The following PHKA1 variants were observed in gnomAD, a reference collection of about 807,000 sequenced individuals.
PHKA1 encodes phosphorylase kinase regulatory subunit alpha 1, also known as phosphorylase b kinase regulatory subunit alpha, skeletal muscle isoform.
In PHKA1, 60 loss-of-function variants were observed where a neutral mutation model predicts 110.2. That is an observed-to-expected ratio of 0.54 (90% CI 0.44 to 0.68). The LOEUF (loss-of-function observed/expected upper bound fraction) is 0.68. Ranked by LOEUF, PHKA1 falls within the 30% of genes least tolerant of loss-of-function variation. The pLI is 0.00. For synonymous variants in PHKA1, 316 were observed against 333.6 expected (o/e 0.95, Z 0.58); for missense variants, 801 against 942.5 (o/e 0.85, Z 1.97).
intron 8 of PHKA1, among the ~76,000 whole-genome samples, chrX:72,663,747 A>C (rs1299175839): frequency 2.7e-5 from 3 of 109,814 alleles, no homozygotes; most frequent in Non-Finnish European, 5.7e-5. Context: ...AAAAAAAAAA[A>C]AAAAAACCTG....
At chrX:72,713,193 T>C (rs782681607) in intron 1 of PHKA1, among the ~76,000 whole-genome samples, 1 of 112,267 alleles carries the variant, frequency 8.9e-6, no homozygotes, top group East Asian at 2.8e-4. Context: ...TATGTATTCA[T>C]TGGAAAATTA....
chrX:72,681,323 GC>G (rs1197344353), intron 5 of PHKA1, among the ~76,000 whole-genome samples: 1 of 110,426 alleles, frequency 9.1e-6, no homozygotes, highest in Non-Finnish European at 1.9e-5. Context: ...GAGCCCCTCC[GC>G]CCGGCAGCTG....
intron 6 of PHKA1, among the ~76,000 whole-genome samples, chrX:72,672,086 T>C (rs1338826004): frequency 8.9e-6 from 1 of 112,181 alleles, no homozygotes; most frequent in African/African-American, 3.2e-5. Flanking sequence ...TTGCATTCTG[T>C]GGGCCTGCAG....
chrX:72,599,886 A>C (rs1556240112), intron 28 of PHKA1: 2 of 529,794 alleles, frequency 3.8e-6, no homozygotes, highest in Non-Finnish European at 6.9e-6. Context: ...CAAATTGAGA[A>C]AATAAAATTT....
At chrX:72,696,775 C>T (rs1413042545) in intron 3 of PHKA1, among the ~76,000 whole-genome samples, 5 of 111,412 alleles carry the variant, frequency 4.5e-5, no homozygotes, top group Non-Finnish European at 7.5e-5. Flanking sequence ...TTAACTGAGA[C>T]CTGTCTCAGA....
chrX:72,603,498 T>C (rs1556246661), intron 25 of PHKA1, among the ~76,000 whole-genome samples: 1 of 111,588 alleles, frequency 9.0e-6, no homozygotes. Context: ...AAAATCTTTA[T>C]TTGAAGGTGG....
intron 29 of PHKA1, among the ~76,000 whole-genome samples, chrX:72,592,894 T>C (rs2052540523): frequency 8.9e-6 from 1 of 112,753 alleles, no homozygotes; most frequent in Non-Finnish European, 1.9e-5. Context: ...AACAAGACTA[T>C]GGCAACAATA....
intron 2 of PHKA1, 48 bp from the exon 3 acceptor site, chrX:72,705,293 A>C: frequency 1.0e-6 from 1 of 984,595 alleles, no homozygotes; most frequent in Non-Finnish European, 1.4e-6. Context: ...CCCTAGATAC[A>C]GGAACACTTA....
intron 21 of PHKA1, 92 bp from the exon 22 acceptor site, chrX:72,611,276 TGA>T: frequency 5.9e-6 from 4 of 680,461 alleles, no homozygotes; most frequent in Non-Finnish European, 9.5e-6. Flanking sequence ...TGCCTGTTTT[TGA>T]TAGGTCTCTC....
At chrX:72,630,259 G>GAAAAAC (rs2053144985) in intron 16 of PHKA1, among the ~76,000 whole-genome samples, 1 of 63,657 alleles carries the variant, frequency 1.6e-5, no homozygotes, top group Non-Finnish European at 3.1e-5. Flanking sequence ...AAAAGAAAAA[G>GAAAAAC]AAAAAGAAAA....
Position 72,581,295 on chromosome X carries a change from A to G in PHKA1, c.3499-120T>C, listed in dbSNP as rs1556201621. The G allele has an allele frequency of 5.8e-6, 3 of 520,923 alleles. No individual in the cohort carries two copies. The East Asian group carries it at 1.0e-4, about 18-fold the overall frequency. The allele number at this position is 520,923 out of a possible 1,213,427, so 42.9% of individuals were successfully genotyped here. ...CCCCAACACCAATTAGTTGGGCCCT[A>G]GACTGTTTATCCAGGAAGAAATAGG... On this transcript the variant is annotated intron_variant, in intron 31 of 31. Transcript: ENST00000373542.
chrX:72,669,156 T>C (rs2053648610), intron 6 of PHKA1, among the ~76,000 whole-genome samples: 1 of 111,256 alleles, frequency 9.0e-6, no homozygotes, highest in Non-Finnish European at 1.9e-5. Flanking sequence ...TATCTGAAGC[T>C]TTCTCAGGCA....
At chrX:72,655,970 C>T (rs1556301200) in intron 10 of PHKA1, 150 bp downstream of exon 10, 1 of 649,244 alleles carries the variant, frequency 1.5e-6, no homozygotes, top group Admixed American at 2.8e-5. Context: ...GGTCTTTTTA[C>T]TCTTAGTGCC....
intron 23 of PHKA1, among the ~76,000 whole-genome samples, chrX:72,606,749 G>T (rs377023692): frequency 9.1e-6 from 1 of 110,333 alleles, no homozygotes; most frequent in African/African-American, 3.3e-5. Context: ...ATTTTAAAAC[G>T]CACAATTAAA....
chrX:72,583,143 A>G (rs2052360735), intron 30 of PHKA1, among the ~76,000 whole-genome samples: 1 of 112,036 alleles, frequency 8.9e-6, no homozygotes, highest in Admixed American at 9.5e-5. Flanking sequence ...GGGATTGAGA[A>G]GTATACTTTG....
At chrX:72,701,547 C>T (rs782256558) in intron 3 of PHKA1, among the ~76,000 whole-genome samples, 4 of 111,306 alleles carry the variant, frequency 3.6e-5, no homozygotes, top group Non-Finnish European at 7.5e-5. Context: ...GGTGAAACAC[C>T]GTCCCTACTA....
In PHKA1 at chrX:72,705,240, T is replaced by C; in HGVS notation, c.243A>G (p.Val81=). The change falls in exon 3 of 32, where the codon GTA becomes GTG. Residue 81 remains valine, a synonymous_variant. Transcript: ENST00000373542. ...KAKAYELEQS[V]VKLMRGLLHC... ...GCAGTAGTCCTCTCATCAGCTTCAC[T>C]ACACTCTGCAGAAATAAATGGAAAC... 1 of 1,190,738 alleles carries C rather than the reference T, an allele frequency of 8.4e-7. No homozygotes were observed. The highest frequency in any genetic ancestry group is 1.7e-5 in the African/African-American group (1 of 57,355).
chrX:72,676,124 G>A lies in PHKA1; in HGVS notation c.564C>T (p.Asp188=). The A allele has an allele frequency of 8.3e-7, 1 of 1,208,472 alleles. No individual in the cohort carries two copies. Among genetic ancestry groups the A allele is most frequent in the African/African-American group, 1.7e-5 (1 of 57,498 alleles). ...ACTCTGAGATCCCTTGGTTGGTCTTGTCTCCACGTTCCCATATCCCGAAGT... is the reference window on the plus strand; with the variant it reads ...ACTCTGAGATCCCTTGGTTGGTCTTATCTCCACGTTCCCATATCCCGAAGT... The part of the protein sequence containing the change: ...TADFGIWERG[D]KTNQGISELN... Residue 188 remains aspartate, a synonymous_variant, in exon 6 of 32, where the codon GAC becomes GAT. Coordinates refer to ENST00000373542, the MANE Select transcript of PHKA1 (RefSeq NM_002637.4).
intron 16 of PHKA1, among the ~76,000 whole-genome samples, chrX:72,628,284 TG>T (rs1290552069): frequency 2.7e-5 from 3 of 111,080 alleles, no homozygotes; most frequent in African/African-American, 9.8e-5. Context: ...ATGAATTGCC[TG>T]ATCATGTCCT....
Sources: allele counts gnomAD v4.1 joint callset (sites outside exome capture counted in the v4.1 genomes callset), GRCh38; gene constraint gnomAD v4.1.1; transcripts MANE v1.5; gene names NCBI Gene and HGNC (gene_info 2026-07-23, HGNC 2026-07-21).